The following CNTN5 variants were observed in gnomAD, a reference collection of about 807,000 sequenced individuals.
CNTN5 encodes contactin 5, also known as contactin-5.
Under a neutral mutation model 129.1 loss-of-function variants are expected in CNTN5, and 77 were observed. The observed-to-expected ratio is 0.60, with a 90% CI of 0.50 to 0.72. The LOEUF (loss-of-function observed/expected upper bound fraction) is 0.72. Among genes scored for constraint, CNTN5 ranks in the 30% least tolerant of loss-of-function variants. The pLI, the probability that CNTN5 is intolerant of heterozygous loss-of-function variation, is 0.00. For missense variants in CNTN5, 1,478 were observed against 1,328.8 expected, an observed-to-expected ratio of 1.11 and a Z score of -1.75; for synonymous variants, 509 against 465.6, an observed-to-expected ratio of 1.09 and a Z score of -1.20.
intron 13 of CNTN5, among the ~76,000 whole-genome samples, chr11:100,177,342 C>A (rs1051332053): frequency 1.3e-5 from 2 of 152,048 alleles, no homozygotes; most frequent in Non-Finnish European, 2.9e-5. Context: ...TTCCCCCTTT[C>A]CAGAATTGAT....
intron 3 of CNTN5, among the ~76,000 whole-genome samples, chr11:99,585,231 T>C (rs1283609784): frequency 1.3e-5 from 2 of 152,218 alleles, no homozygotes; most frequent in Admixed American, 6.5e-5. Context: ...TTTAAGAAAC[T>C]TGAGTTTTGG....
intron 1 of CNTN5, among the ~76,000 whole-genome samples, chr11:99,311,678 A>C (rs949323805): frequency 1.2e-4 from 19 of 152,188 alleles, no homozygotes; most frequent in African/African-American, 4.6e-4. Flanking sequence ...TCTTGAAATA[A>C]GCCTTTTTAA....
intron 13 of CNTN5, among the ~76,000 whole-genome samples, chr11:100,175,726 A>G (rs1320838610): frequency 2.0e-5 from 3 of 152,154 alleles, no homozygotes; most frequent in Non-Finnish European, 2.9e-5. Flanking sequence ...CCACATTTTT[A>G]TCATCAGTAA....
intron 1 of CNTN5, among the ~76,000 whole-genome samples, chr11:99,065,259 A>G (rs1865054471): frequency 6.6e-6 from 1 of 152,186 alleles, no homozygotes; most frequent in South Asian, 2.1e-4. Flanking sequence ...CAGATTCACC[A>G]TGACCATGTG....
At chr11:99,995,202 G>A (rs757424077) in intron 8 of CNTN5, among the ~76,000 whole-genome samples, 1 of 151,932 alleles carries the variant, frequency 6.6e-6, no homozygotes, top group African/African-American at 2.4e-5. Flanking sequence ...TTAGAAAAAT[G>A]AAACCCAGAG....
intron 1 of CNTN5, among the ~76,000 whole-genome samples, chr11:99,265,218 GT>G (rs59446011): frequency 0.54 from 82,267 of 151,712 alleles, 22,558 homozygotes; most frequent in East Asian, 0.74. Flanking sequence ...CAGAAAAAAT[GT>G]TTTTTTCTTC....
At chr11:100,148,512 G>T (rs1946933874) in intron 13 of CNTN5, among the ~76,000 whole-genome samples, 1 of 151,760 alleles carries the variant, frequency 6.6e-6, no homozygotes, top group African/African-American at 2.4e-5. Flanking sequence ...AATACACTTT[G>T]TCACCCCCCA....
intron 4 of CNTN5, among the ~76,000 whole-genome samples, chr11:99,824,037 A>G (rs1163096796): frequency 6.6e-6 from 1 of 151,876 alleles, no homozygotes; most frequent in Admixed American, 6.6e-5. Flanking sequence ...CCACACTAGG[A>G]CTCAATTACA....
At chr11:100,059,184 T>C (rs576216533) in intron 9 of CNTN5, among the ~76,000 whole-genome samples, 2 of 152,314 alleles carry the variant, frequency 1.3e-5, no homozygotes, top group Non-Finnish European at 2.9e-5. Flanking sequence ...ACTTATTTAA[T>C]GATGCTGAAA....
chr11:99,399,617 T>A (rs891103736), intron 2 of CNTN5, among the ~76,000 whole-genome samples: 2 of 146,652 alleles, frequency 1.4e-5, no homozygotes, highest in East Asian at 2.0e-4. Context: ...CTTTTTTTTT[T>A]ATTAAGTGTT....
intron 2 of CNTN5, among the ~76,000 whole-genome samples, chr11:99,366,358 C>A (rs911754180): frequency 6.6e-6 from 1 of 152,104 alleles, no homozygotes; most frequent in Non-Finnish European, 1.5e-5. Context: ...AATCACAGAA[C>A]AGGAAATGCT....
intron 2 of CNTN5, among the ~76,000 whole-genome samples, chr11:99,458,004 T>A (rs540630181): frequency 6.6e-6 from 1 of 151,900 alleles, no homozygotes; most frequent in Non-Finnish European, 1.5e-5. Flanking sequence ...GGACTCCAAA[T>A]CTTAATACTT....
At chr11:99,817,361 CA>C (rs1946622154) in intron 3 of CNTN5, among the ~76,000 whole-genome samples, 1 of 152,172 alleles carries the variant, frequency 6.6e-6, no homozygotes, top group Non-Finnish European at 1.5e-5. Flanking sequence ...TGCGCTTAGC[CA>C]AATTAGCATT....
chr11:99,359,368 G>A (rs973034381), intron 2 of CNTN5, among the ~76,000 whole-genome samples: 1 of 151,846 alleles, frequency 6.6e-6, no homozygotes, highest in Non-Finnish European at 1.5e-5. Context: ...CCTCATGACC[G>A]AATCACCTCT....
intron 13 of CNTN5, among the ~76,000 whole-genome samples, chr11:100,173,781 C>G (rs557562757): frequency 6.6e-6 from 1 of 152,256 alleles, no homozygotes; most frequent in South Asian, 2.1e-4. Flanking sequence ...TGTGGACAAC[C>G]AGCTTCACCC....
intron 13 of CNTN5, among the ~76,000 whole-genome samples, chr11:100,184,633 T>C (rs995072750): frequency 6.6e-6 from 1 of 152,082 alleles, no homozygotes; most frequent in African/African-American, 2.4e-5. Context: ...CCAACACCTT[T>C]TGAGACTGTA....
At chr11:99,789,851 A>G (rs867815343) in intron 3 of CNTN5, among the ~76,000 whole-genome samples, 13 of 152,084 alleles carry the variant, frequency 8.5e-5, no homozygotes, top group South Asian at 8.3e-4. Context: ...GCTGAGGTTT[A>G]TGGTACAATT....
intron 1 of CNTN5, among the ~76,000 whole-genome samples, chr11:99,055,444 T>C (rs899829218): frequency 6.6e-6 from 1 of 152,002 alleles, no homozygotes; most frequent in Non-Finnish European, 1.5e-5. Context: ...TTTACTCTTA[T>C]TTCCTAGAAT....
chr11:99,400,221 A>C (rs1226619069), intron 2 of CNTN5, among the ~76,000 whole-genome samples: 1 of 151,842 alleles, frequency 6.6e-6, no homozygotes, highest in Non-Finnish European at 1.5e-5. Context: ...TCTATCTCCA[A>C]GGGTTCAATA....
Sources: allele counts gnomAD v4.1 joint callset (sites outside exome capture counted in the v4.1 genomes callset), GRCh38; gene constraint gnomAD v4.1.1; transcripts MANE v1.5; gene names NCBI Gene and HGNC (gene_info 2026-07-23, HGNC 2026-07-21).